The following PRKCQ variants were observed in gnomAD, a reference collection of about 807,000 sequenced individuals.
PRKCQ encodes the protein protein kinase C theta.
In PRKCQ, 41 loss-of-function variants were observed where a neutral mutation model predicts 91.2. That is an observed-to-expected ratio of 0.45 (90% CI 0.35 to 0.58). PRKCQ has a LOEUF of 0.58. Among genes scored for constraint, PRKCQ ranks in the 20% least tolerant of loss-of-function variants. The pLI, the probability that PRKCQ is intolerant of heterozygous loss-of-function variation, is 0.00. For synonymous variants in PRKCQ, 307 were observed against 316.9 expected (o/e 0.97, Z 0.33); for missense variants, 673 against 896.5 (o/e 0.75, Z 3.18).
intron 1 of PRKCQ, among the ~76,000 whole-genome samples, chr10:6,577,137 C>A (rs1841269726): frequency 6.6e-6 from 1 of 152,160 alleles, no homozygotes. Context: ...CTGCCAAATA[C>A]TTGCTAATTT....
At chr10:6,563,936 A>C (rs1840732410) in intron 1 of PRKCQ, among the ~76,000 whole-genome samples, 1 of 152,212 alleles carries the variant, frequency 6.6e-6, no homozygotes, top group South Asian at 2.1e-4. Context: ...ACCTTGACAC[A>C]GCCCGTGGGG....
At chr10:6,536,817 G>A (rs1380100921) in intron 1 of PRKCQ, among the ~76,000 whole-genome samples, 1 of 152,234 alleles carries the variant, frequency 6.6e-6, no homozygotes, top group Non-Finnish European at 1.5e-5. Context: ...AACCCTGGGA[G>A]AGAAAGCAGA....
chr10:6,538,360 C>T (rs1295978286), intron 1 of PRKCQ, among the ~76,000 whole-genome samples: 3 of 152,214 alleles, frequency 2.0e-5, no homozygotes, highest in East Asian at 3.8e-4. Flanking sequence ...AGAAGCAAGG[C>T]TAGTTTTGTA....
chr10:6,560,291 G>A (rs1462821762), intron 1 of PRKCQ, among the ~76,000 whole-genome samples: 1 of 152,192 alleles, frequency 6.6e-6, no homozygotes, highest in Admixed American at 6.5e-5. Flanking sequence ...AAGGTGTAGG[G>A]AGAACTTTCT....
At chr10:6,551,804 A>G (rs1840195761) in intron 1 of PRKCQ, among the ~76,000 whole-genome samples, 1 of 152,228 alleles carries the variant, frequency 6.6e-6, no homozygotes, top group Non-Finnish European at 1.5e-5. Flanking sequence ...TCTTTATGAT[A>G]GAACGATTTC....
the PRKCQ span, among the ~76,000 whole-genome samples, chr10:6,395,060 T>TTTTTTG: frequency 7.0e-6 from 1 of 142,706 alleles, no homozygotes. Context: ...TGGAGTCTTT[T>TTTTTTG]TTTTTTTTTT....
intron 1 of PRKCQ, among the ~76,000 whole-genome samples, chr10:6,579,855 T>A (rs1280342095): frequency 7.2e-6 from 1 of 138,406 alleles, no homozygotes; most frequent in South Asian, 2.4e-4. Context: ...TTTTTTTTTT[T>A]ACCAAGAATA....
chr10:6,450,929 G>A (rs1834634410), intron 15 of PRKCQ, among the ~76,000 whole-genome samples: 1 of 152,166 alleles, frequency 6.6e-6, no homozygotes, highest in Admixed American at 6.5e-5. Flanking sequence ...TCAAAGCAGT[G>A]TGTAGAGGGA....
intron 17 of PRKCQ, 151 bp from the exon 18 acceptor site, chr10:6,428,513 T>C: frequency 1.3e-6 from 1 of 748,250 alleles, no homozygotes; most frequent in South Asian, 1.7e-5. Context: ...CAGATGACCA[T>C]GCCCAGCTCT....
intron 12 of PRKCQ, among the ~76,000 whole-genome samples, chr10:6,475,118 T>G (rs948115643): frequency 1.3e-5 from 2 of 152,372 alleles, no homozygotes; most frequent in Admixed American, 6.5e-5. Context: ...AAAGTCATTT[T>G]GATCTAGCAC....
chr10:6,410,190 T>C, the PRKCQ span, among the ~76,000 whole-genome samples: 1 of 152,234 alleles, frequency 6.6e-6, no homozygotes, highest in South Asian at 2.1e-4. Context: ...ACCCAGCTGT[T>C]CTCAGGCCTT....
chr10:6,472,672 AATTAAACAATT>A (rs1369383042), intron 12 of PRKCQ, among the ~76,000 whole-genome samples: 1 of 152,142 alleles, frequency 6.6e-6, no homozygotes, highest in African/African-American at 2.4e-5. Context: ...GACTAGAGAG[AATTAAACAATT>A]GTCAGGGACA....
intron 4 of PRKCQ, among the ~76,000 whole-genome samples, chr10:6,505,955 T>C (rs549168050): frequency 2.0e-5 from 3 of 152,284 alleles, no homozygotes; most frequent in South Asian, 4.1e-4. Flanking sequence ...CAAGACCCTT[T>C]TTCAATTTAC....
At chr10:6,546,020 A>C (rs1321435347) in intron 1 of PRKCQ, among the ~76,000 whole-genome samples, 2 of 152,126 alleles carry the variant, frequency 1.3e-5, no homozygotes, top group African/African-American at 4.8e-5. Flanking sequence ...ACGAGAAAAA[A>C]AAAAGGTTCA....
At chr10:6,572,172 G>A (rs1217156852) in intron 1 of PRKCQ, among the ~76,000 whole-genome samples, 1 of 152,112 alleles carries the variant, frequency 6.6e-6, no homozygotes, top group African/African-American at 2.4e-5. Flanking sequence ...CTGATTCTAT[G>A]ACTTAAAGGA....
At chr10:6,512,256 T>C (rs912684760) in intron 2 of PRKCQ, 9 of 152,242 alleles carry the variant, frequency 5.9e-5, no homozygotes, top group African/African-American at 1.9e-4. Flanking sequence ...ACATTTTACA[T>C]GTACCATGCA....
At chr10:6,468,447 T>C (rs183055529) in intron 12 of PRKCQ, among the ~76,000 whole-genome samples, 15 of 152,356 alleles carry the variant, frequency 9.8e-5, no homozygotes, top group Admixed American at 2.0e-4. Flanking sequence ...GTGCATATAT[T>C]ATAGGATGAA....
chr10:6,554,422 T>G (rs898953786), intron 1 of PRKCQ, among the ~76,000 whole-genome samples: 1 of 152,210 alleles, frequency 6.6e-6, no homozygotes, highest in Non-Finnish European at 1.5e-5. Context: ...TCTATTACTT[T>G]GATTTGGCAA....
chr10:6,580,417 G>C (rs1295976494), upstream of PRKCQ: 2 of 152,018 alleles, frequency 1.3e-5, no homozygotes, highest in East Asian at 3.9e-4. Context: ...CCGGGACCCG[G>C]CACCTCTAGC....
Sources: gnomAD v4.1 joint callset for allele counts (sites outside exome capture counted in the v4.1 genomes callset) on GRCh38, gnomAD v4.1.1 for gene constraint, MANE v1.5 for transcripts, NCBI Gene and HGNC (gene_info 2026-07-23, HGNC 2026-07-21) for gene names.